SMOC1: variants seen among roughly 807,000 people sequenced by gnomAD.
The protein encoded by SMOC1 is SPARC-related modular calcium-binding protein 1.
A neutral mutation model predicts 56.3 loss-of-function variants in SMOC1; 22 were observed. The ratio of observed to expected loss-of-function variants is 0.39; its 90% CI spans 0.28 to 0.56. The LOEUF (loss-of-function observed/expected upper bound fraction) is 0.56. Among genes scored for constraint, SMOC1 ranks in the 20% least tolerant of loss-of-function variants. SMOC1 has a pLI of 0.61. For synonymous variants in SMOC1, 193 were observed against 215.0 expected, an observed-to-expected ratio of 0.90 and a Z score of 0.89; for missense variants, 509 against 565.4, an observed-to-expected ratio of 0.90 and a Z score of 1.01.
At chr14:69,947,018 T>G (rs1882806585) in intron 1 of SMOC1, among the ~76,000 whole-genome samples, 2 of 152,176 alleles carry the variant, frequency 1.3e-5, no homozygotes, top group South Asian at 4.1e-4. Context: ...GTGTTATGCT[T>G]CCTGTACAGC....
At chr14:69,938,948 G>A (rs974760478) in intron 1 of SMOC1, among the ~76,000 whole-genome samples, 1 of 152,204 alleles carries the variant, frequency 6.6e-6, no homozygotes, top group Non-Finnish European at 1.5e-5. Context: ...TCTTCTCAGT[G>A]TGAGGGTGTG....
rs10483829 is a variant in SMOC1, at chr14:69,975,633, A to G, written c.379-82A>G. Reference sequence around the variant, plus strand: ...AAGATGCTCTTTCACCGTATGGGTGATGCTTTGAAAGGGGTTGGAGATGAG... The same window carrying G: ...AAGATGCTCTTTCACCGTATGGGTGGTGCTTTGAAAGGGGTTGGAGATGAG... On this transcript the variant is annotated intron_variant, in intron 3 of 11. Coordinates refer to ENST00000361956, the MANE Select transcript of SMOC1 (RefSeq NM_001034852.3). 38,239 of 983,680 alleles carry G rather than the reference A, an allele frequency of 0.039. 2,138 individuals are homozygous for G. Among genetic ancestry groups the G allele is most frequent in the African/African-American group, 0.23 (14,503 of 62,908 alleles). 60.9% of individuals were successfully genotyped at this position (983,680 alleles called of 1,614,324 possible). A position where few individuals can be genotyped will look rare whatever the true frequency, so the allele number is the denominator to read the frequency against.
At chr14:69,987,788 A>G (rs113317152) in intron 5 of SMOC1, among the ~76,000 whole-genome samples, 28 of 152,270 alleles carry the variant, frequency 1.8e-4, no homozygotes, top group African/African-American at 6.3e-4. Context: ...TCGGGGGTCG[A>G]AGTGACTTCC....
intron 1 of SMOC1, among the ~76,000 whole-genome samples, chr14:69,949,310 G>A (rs1423064572): frequency 6.6e-6 from 1 of 152,180 alleles, no homozygotes; most frequent in African/African-American, 2.4e-5. Flanking sequence ...GGCCTGTGAT[G>A]TCCCACTGGC....
intron 1 of SMOC1, chr14:69,885,634 G>A: frequency 6.8e-7 from 1 of 1,466,390 alleles, no homozygotes; most frequent in Non-Finnish European, 9.5e-7. Context: ...GGGCAGGCAA[G>A]AAGACAACCA....
chr14:69,900,447 G>A (rs142941255), intron 1 of SMOC1, among the ~76,000 whole-genome samples: 4 of 152,318 alleles, frequency 2.6e-5, no homozygotes, highest in East Asian at 1.9e-4. Context: ...ATAGTCCCTC[G>A]TTTATGGAGC....
At chr14:69,953,121 ACC>A (rs1883063118) in intron 2 of SMOC1, among the ~76,000 whole-genome samples, 1 of 151,116 alleles carries the variant, frequency 6.6e-6, no homozygotes, top group African/African-American at 2.4e-5. Flanking sequence ...TTTAGAATAA[ACC>A]CAGTGAAAAA....
chr14:69,896,505 T>C (rs372835208), intron 1 of SMOC1, among the ~76,000 whole-genome samples: 1 of 152,180 alleles, frequency 6.6e-6, no homozygotes, highest in East Asian at 1.9e-4. Flanking sequence ...TAACTATTCA[T>C]AAAAATAATA....
At chr14:70,002,139 ACAG>A (rs1350611335) in intron 7 of SMOC1, among the ~76,000 whole-genome samples, 20 of 152,102 alleles carry the variant, frequency 1.3e-4, no homozygotes, top group African/African-American at 4.6e-4. Context: ...GGAGCTGGAG[ACAG>A]TTCTTCTCTT....
chr14:70,016,285 A>G (rs1255608124), intron 10 of SMOC1, among the ~76,000 whole-genome samples: 2 of 152,208 alleles, frequency 1.3e-5, no homozygotes, highest in African/African-American at 4.8e-5. Context: ...TCTTTTTTCC[A>G]TTCTATTTTA....
chr14:69,977,345 G>A (rs949546313), intron 4 of SMOC1, among the ~76,000 whole-genome samples: 2 of 152,192 alleles, frequency 1.3e-5, no homozygotes, highest in Admixed American at 6.5e-5. Flanking sequence ...CCTGCTACCC[G>A]CTCCTGGAGG....
At chr14:69,941,355 C>A (rs924336042) in intron 1 of SMOC1, among the ~76,000 whole-genome samples, 3 of 152,154 alleles carry the variant, frequency 2.0e-5, no homozygotes, top group African/African-American at 7.2e-5. Context: ...ATGTAGATGC[C>A]TAGTGTAGCA....
intron 3 of SMOC1, among the ~76,000 whole-genome samples, chr14:69,956,699 T>C (rs993677907): frequency 2.0e-5 from 3 of 152,114 alleles, no homozygotes; most frequent in African/African-American, 7.2e-5. Flanking sequence ...CATGTGGGAC[T>C]CGCTGGCCTC....
intron 4 of SMOC1, 115 bp downstream of exon 4, chr14:69,975,929 C>A (rs1281063672): frequency 1.3e-6 from 1 of 743,500 alleles, no homozygotes; most frequent in African/African-American, 1.7e-5. Flanking sequence ...GAACCTTTTT[C>A]TAGATCAGGG....
Position 69,972,527 on chromosome 14 carries a change from AGGAGCTCCCAGCCTG to A in SMOC1, c.379-3184_379-3170del, listed in dbSNP as rs528087198. Among the ~76,000 whole-genome samples the A allele has an allele frequency of 1.4e-3, 210 of 152,306 alleles. 2 individuals are homozygous for A. The highest frequency in any genetic ancestry group is 4.9e-3 in the African/African-American group (202 of 41,572). On this transcript the variant is annotated intron_variant, in intron 3 of 11. Coordinates refer to ENST00000361956, the MANE Select transcript of SMOC1 (RefSeq NM_001034852.3). ...TGATTTCAGTTTTATAGGACTTGGA[AGGAGCTCCCAGCCTG>A]GGATTTTGTAATCTGGGCTCTCTAC...
intron 11 of SMOC1, among the ~76,000 whole-genome samples, chr14:70,025,555 T>C (rs561904569): frequency 6.6e-6 from 1 of 152,326 alleles, no homozygotes; most frequent in East Asian, 1.9e-4. Flanking sequence ...ACCCTGCCTC[T>C]GTCCCGGCCT....
intron 1 of SMOC1, among the ~76,000 whole-genome samples, chr14:69,925,376 A>C (rs994421086): frequency 1.3e-5 from 2 of 151,890 alleles, no homozygotes; most frequent in African/African-American, 4.8e-5. Context: ...GGGAGGAACC[A>C]TGATTGTCCC....
At chr14:69,953,686 T>C (rs1883087539) in intron 3 of SMOC1, among the ~76,000 whole-genome samples, 154 bp downstream of exon 3, 1 of 152,156 alleles carries the variant, frequency 6.6e-6, no homozygotes, top group Admixed American at 6.6e-5. Flanking sequence ...TCCCCCTCTC[T>C]GGCCCTCCCC....
At chr14:69,942,760 G>T (rs1295854300) in intron 1 of SMOC1, among the ~76,000 whole-genome samples, 3 of 152,126 alleles carry the variant, frequency 2.0e-5, no homozygotes, top group Admixed American at 6.5e-5. Flanking sequence ...CACTTTATGT[G>T]CACCTGCTTT....
Sources: allele counts gnomAD v4.1 joint callset (sites outside exome capture counted in the v4.1 genomes callset), GRCh38; gene constraint gnomAD v4.1.1; transcripts MANE v1.5; gene names NCBI Gene and HGNC (gene_info 2026-07-23, HGNC 2026-07-21).